The following NFIA variants were observed in gnomAD, a reference collection of about 807,000 sequenced individuals.
The protein encoded by NFIA is nuclear factor 1 A-type.
Under a neutral mutation model 62.8 loss-of-function variants are expected in NFIA, and 8 were observed. The ratio of observed to expected loss-of-function variants is 0.13; its 90% confidence interval spans 0.07 to 0.23. NFIA has a LOEUF of 0.23. Ranked by LOEUF, NFIA falls within the 10% of genes least tolerant of loss-of-function variation. NFIA has a pLI of 1.00. For missense variants in NFIA, 410 were observed against 642.1 expected (o/e 0.64, Z 3.91); for synonymous variants, 235 against 238.1 (o/e 0.99, Z 0.12).
intron 7 of NFIA, among the ~76,000 whole-genome samples, chr1:61,393,244 C>CCTCTCTCTCTCT (rs766730638): frequency 6.2e-4 from 18 of 29,096 alleles, no homozygotes; most frequent in Non-Finnish European, 8.4e-4. Context: ...TCGCCCTCTC[C>CCTCTCTCTCTCT]CTCTCTCTCT....
intron 2 of NFIA, among the ~76,000 whole-genome samples, chr1:61,211,659 G>T (rs558158808): frequency 1.3e-5 from 2 of 152,094 alleles, no homozygotes; most frequent in African/African-American, 4.8e-5. Flanking sequence ...CACATATTCC[G>T]TCAATTAGAG....
intron 2 of NFIA, among the ~76,000 whole-genome samples, chr1:61,111,384 G>GA (rs914142788): frequency 1.3e-5 from 2 of 151,984 alleles, no homozygotes; most frequent in African/African-American, 4.8e-5. Context: ...TAAAAATGAA[G>GA]AAAAAATTAT....
At chr1:61,448,503 G>A (rs957383950) in intron 10 of NFIA, among the ~76,000 whole-genome samples, 2 of 152,166 alleles carry the variant, frequency 1.3e-5, no homozygotes, top group Non-Finnish European at 2.9e-5. Flanking sequence ...GCTACCCCTG[G>A]CTTTCTGGCT....
intron 2 of NFIA, among the ~76,000 whole-genome samples, chr1:61,134,016 C>T (rs1048674310): frequency 6.6e-6 from 1 of 151,790 alleles, no homozygotes; most frequent in African/African-American, 2.4e-5. Context: ...ATCCCAGCTA[C>T]TCAGGAGGCT....
chr1:61,105,959 T>TA (rs75987796), intron 2 of NFIA, among the ~76,000 whole-genome samples: 1 of 150,920 alleles, frequency 6.6e-6, no homozygotes. Context: ...TTCACTTGGT[T>TA]AAAAAAAAAT....
chr1:61,318,857 C>T (rs564538734), intron 3 of NFIA, among the ~76,000 whole-genome samples: 1 of 152,024 alleles, frequency 6.6e-6, no homozygotes, highest in Non-Finnish European at 1.5e-5. Flanking sequence ...CACCTTCTAC[C>T]GAAGCTAATT....
At chr1:61,158,081 C>A (rs1436008593) in intron 2 of NFIA, among the ~76,000 whole-genome samples, 2 of 152,262 alleles carry the variant, frequency 1.3e-5, no homozygotes, top group East Asian at 1.9e-4. Context: ...GACACATTAT[C>A]TCAGATAGAG....
chr1:61,409,324 C>T (rs1665992003), intron 9 of NFIA, among the ~76,000 whole-genome samples: 1 of 152,164 alleles, frequency 6.6e-6, no homozygotes, highest in Non-Finnish European at 1.5e-5. Flanking sequence ...CCTTGTTCAG[C>T]TAAAGGCTTT....
rs1254090305 is a variant in NFIA, at chr1:61,461,843, G to C, written c.*6523G>C. On this transcript the variant is annotated 3_prime_UTR_variant, in exon 11 of 11. Coordinates refer to ENST00000403491, the MANE Select transcript of NFIA (RefSeq NM_001134673.4). The stretch of plus-strand genomic sequence containing the variant: ...ACCAGGTCATACAATGTGAACTTTT[G>C]TATCTCTGCAGTGGTTTCAAGGACA... 3 of 152,046 alleles carry C rather than the reference G, an allele frequency of 2.0e-5. No homozygotes were observed. The highest frequency in any genetic ancestry group is 4.4e-5 in the Non-Finnish European group (3 of 68,018). 9.4% of individuals were successfully genotyped at this position (152,046 alleles called of 1,614,324 possible).
In NFIA at chr1:61,420,388, T is replaced by A. The variant is rs9436642; in HGVS notation, c.1421-6077T>A. Among the ~76,000 whole-genome samples, 481 of 152,128 alleles carry A rather than the reference T, an allele frequency of 3.2e-3. 2 individuals are homozygous for A. The highest frequency in any genetic ancestry group is 0.01 in the African/African-American group (421 of 41,516). On this transcript the variant is annotated intron_variant, in intron 9 of 10. Coordinates refer to ENST00000403491, the MANE Select transcript of NFIA (RefSeq NM_001134673.4). ...TTTCTCACAGGACCTTTTTTTTTTTTAAATAGCATGACAGTGCAGTTAAAA... is the reference window on the plus strand; with the variant it reads ...TTTCTCACAGGACCTTTTTTTTTTTAAAATAGCATGACAGTGCAGTTAAAA...
chr1:61,154,436 A>G (rs1467752074), intron 2 of NFIA, among the ~76,000 whole-genome samples: 2 of 152,212 alleles, frequency 1.3e-5, no homozygotes, highest in South Asian at 2.1e-4. Flanking sequence ...GATTATAGGC[A>G]TGAGCCACCA....
At chr1:61,117,013 A>G (rs1356084475) in intron 2 of NFIA, among the ~76,000 whole-genome samples, 2 of 152,178 alleles carry the variant, frequency 1.3e-5, no homozygotes, top group African/African-American at 4.8e-5. Flanking sequence ...TTGAAATTAC[A>G]GTAGGGAATC....
At chr1:61,355,421 T>C (rs7555828) in intron 5 of NFIA, among the ~76,000 whole-genome samples, 1 of 152,070 alleles carries the variant, frequency 6.6e-6, no homozygotes, top group African/African-American at 2.4e-5. Context: ...AGTGTAAAAA[T>C]TGGGATACGA....
At chr1:61,432,809 T>A (rs1667163470) in intron 10 of NFIA, among the ~76,000 whole-genome samples, 1 of 151,974 alleles carries the variant, frequency 6.6e-6, no homozygotes, top group South Asian at 2.1e-4. Context: ...AATTCCACTT[T>A]CTCCTGACTT....
rs118133630 is a variant in NFIA, at chr1:61,178,367, G to A, written c.559+89687G>A. Among the ~76,000 whole-genome samples the A allele has an allele frequency of 1.8e-3, 279 of 152,064 alleles. 6 individuals carry two copies. In the East Asian group the frequency reaches 0.041, roughly 22 times the overall value. ...TCCAAATCATATTGACATACTTTTG[G>A]CTTCCATATTAGTGATAAGGATGAA... On this transcript the variant is annotated intron_variant, in intron 2 of 10. Transcript: ENST00000403491.
intron 2 of NFIA, among the ~76,000 whole-genome samples, chr1:61,133,694 T>G (rs1307645715): frequency 6.6e-6 from 1 of 152,202 alleles, no homozygotes; most frequent in Non-Finnish European, 1.5e-5. Context: ...TCCTCTGTTT[T>G]TTATAAAAAA....
chr1:61,218,822 G>A (rs1653818355), intron 2 of NFIA, among the ~76,000 whole-genome samples: 1 of 152,126 alleles, frequency 6.6e-6, no homozygotes, highest in Non-Finnish European at 1.5e-5. Flanking sequence ...TAATTAATGT[G>A]GCAATTAAGA....
intron 2 of NFIA, among the ~76,000 whole-genome samples, chr1:61,196,631 G>A (rs1355955936): frequency 6.6e-6 from 1 of 151,828 alleles, no homozygotes; most frequent in Non-Finnish European, 1.5e-5. Flanking sequence ...GGTTAACTGT[G>A]TGCAAATGCA....
chr1:61,110,503 G>A (rs1442486919), intron 2 of NFIA, among the ~76,000 whole-genome samples: 3 of 151,970 alleles, frequency 2.0e-5, no homozygotes, highest in Non-Finnish European at 2.9e-5. Flanking sequence ...AGAAAAATGT[G>A]TACTTTTAAA....
Sources: gnomAD v4.1 joint callset for allele counts (sites outside exome capture counted in the v4.1 genomes callset) on GRCh38, gnomAD v4.1.1 for gene constraint, MANE v1.5 for transcripts, NCBI Gene and HGNC (gene_info 2026-07-23, HGNC 2026-07-21) for gene names.